The following ATP2B2 variants were observed in gnomAD, a reference collection of about 807,000 sequenced individuals.
ATP2B2 encodes the protein ATPase plasma membrane Ca2+ transporting 2, also known as plasma membrane calcium-transporting ATPase 2.
A neutral mutation model predicts 120.0 loss-of-function variants in ATP2B2; 15 were observed. That is an observed-to-expected ratio of 0.12 (90% CI 0.08 to 0.19). The LOEUF (loss-of-function observed/expected upper bound fraction) is 0.19, where lower values mean the gene tolerates loss of function less well. Ranked by LOEUF, ATP2B2 falls within the 10% of genes least tolerant of loss-of-function variation. The pLI is 1.00. For missense variants in ATP2B2, 1,045 were observed against 1,719.8 expected (o/e 0.61, Z 6.94); for synonymous variants, 694 against 700.3 (o/e 0.99, Z 0.14).
intron 1 of ATP2B2, among the ~76,000 whole-genome samples, chr3:10,470,346 A>G (rs894784570): frequency 1.3e-5 from 2 of 152,092 alleles, no homozygotes; most frequent in African/African-American, 4.8e-5. Flanking sequence ...AGAGAGATTG[A>G]GCAACCTGCT....
intron 1 of ATP2B2, among the ~76,000 whole-genome samples, chr3:10,483,916 T>G (rs1306787289): frequency 1.1e-4 from 14 of 130,946 alleles, no homozygotes. Flanking sequence ...GGCCCAGGGA[T>G]CAAGGCGGTC....
intron 5 of ATP2B2, among the ~76,000 whole-genome samples, chr3:10,398,058 T>C (rs1270740205): frequency 1.3e-5 from 2 of 152,236 alleles, no homozygotes; most frequent in African/African-American, 4.8e-5. Context: ...CTTTCTTCCA[T>C]CTGGTTCATC....
At position 10,397,543 on chromosome 3, in the gene ATP2B2, G is replaced by T. The variant is rs1370557681; in HGVS notation, c.781+3410C>A. 2.0e-5 allele frequency among the ~76,000 whole-genome samples: 3 copies of T among 152,300 alleles called. No individual in the cohort carries two copies. The East Asian group carries it at 5.8e-4, about 29-fold the overall frequency. The stretch of plus-strand genomic sequence containing the variant: ...GGGTGACTGCCACAGGGCAGTGGTG[G>T]TCAGGGAAGCCTTCATGGAGGAGGT... On this transcript the variant is annotated intron_variant, in intron 5 of 22. Coordinates refer to ENST00000360273, the MANE Select transcript of ATP2B2 (RefSeq NM_001001331.4).
At chr3:10,521,560 C>T (rs941062519) in intron 3 of ATP2B2, among the ~76,000 whole-genome samples, 4 of 152,172 alleles carry the variant, frequency 2.6e-5, no homozygotes, top group African/African-American at 9.7e-5. Flanking sequence ...CATTGTTAAT[C>T]CCTCCAAGTC....
chr3:10,361,939 G>A (rs2060912230), intron 12 of ATP2B2, among the ~76,000 whole-genome samples: 1 of 152,078 alleles, frequency 6.6e-6, no homozygotes, highest in Non-Finnish European at 1.5e-5. Context: ...CCTCCATATG[G>A]GCACTGATGT....
chr3:10,569,701 C>A (rs916911000), intron 2 of ATP2B2, among the ~76,000 whole-genome samples: 1 of 151,986 alleles, frequency 6.6e-6, no homozygotes, highest in Admixed American at 6.5e-5. Context: ...TGAAGGGGCT[C>A]AGGTGTAACA....
At chr3:10,421,293 C>G (rs142966354) in intron 2 of ATP2B2, among the ~76,000 whole-genome samples, 1 of 152,314 alleles carries the variant, frequency 6.6e-6, no homozygotes, top group African/African-American at 2.4e-5. Flanking sequence ...GTGACAGAGC[C>G]TGCACTCAGC....
intron 14 of ATP2B2, among the ~76,000 whole-genome samples, chr3:10,355,393 G>C (rs1256874016): frequency 6.6e-6 from 1 of 152,168 alleles, no homozygotes; most frequent in Non-Finnish European, 1.5e-5. Flanking sequence ...CATCCCAGGG[G>C]TGAGCCAACA....
intron 1 of ATP2B2, among the ~76,000 whole-genome samples, chr3:10,654,351 C>T (rs11128522): frequency 1.3e-5 from 2 of 151,922 alleles, no homozygotes; most frequent in African/African-American, 4.8e-5. Context: ...TACTTAGAAC[C>T]GGACACATAA....
chr3:10,494,221 C>T (rs1305770063), intron 1 of ATP2B2, among the ~76,000 whole-genome samples: 1 of 152,094 alleles, frequency 6.6e-6, no homozygotes, highest in Non-Finnish European at 1.5e-5. Flanking sequence ...GTGCTCCCTC[C>T]CTACTCTGAT....
chr3:10,508,234 T>C (rs1213056061), upstream of ATP2B2, among the ~76,000 whole-genome samples: 5 of 152,218 alleles, frequency 3.3e-5, no homozygotes, highest in Non-Finnish European at 7.3e-5. Flanking sequence ...ACAGCAAAGT[T>C]TGAAGGTTTT....
intron 1 of ATP2B2, among the ~76,000 whole-genome samples, chr3:10,480,439 T>C (rs1454885675): frequency 6.6e-6 from 1 of 152,132 alleles, no homozygotes; most frequent in African/African-American, 2.4e-5. Flanking sequence ...CTCCATAAGC[T>C]GCCAGATCTG....
chr3:10,680,065 G>T (rs973645561), intron 1 of ATP2B2, among the ~76,000 whole-genome samples: 1 of 152,214 alleles, frequency 6.6e-6, no homozygotes, highest in Admixed American at 6.5e-5. Context: ...TAGGTGCTCA[G>T]TAAACATTTG....
intron 5 of ATP2B2, among the ~76,000 whole-genome samples, chr3:10,391,245 TGAG>T (rs1182591170): frequency 6.6e-6 from 1 of 152,060 alleles, no homozygotes; most frequent in Non-Finnish European, 1.5e-5. Flanking sequence ...ACTCTGCAGG[TGAG>T]GGGCAGAGCC....
intron 1 of ATP2B2, among the ~76,000 whole-genome samples, chr3:10,460,032 C>A (rs566801754): frequency 1.8e-4 from 28 of 152,344 alleles, no homozygotes; most frequent in African/African-American, 6.5e-4. Flanking sequence ...TCTGACCACA[C>A]ACAACAGGTC....
At chr3:10,474,793 G>T (rs1329341304) in intron 1 of ATP2B2, among the ~76,000 whole-genome samples, 8 of 152,246 alleles carry the variant, frequency 5.3e-5, no homozygotes, top group Non-Finnish European at 1.2e-4. Flanking sequence ...TTTCTAAAGT[G>T]CTGGCCAGTG....
At chr3:10,707,003 C>A (rs1490154144) in intron 1 of ATP2B2, among the ~76,000 whole-genome samples, 1 of 152,244 alleles carries the variant, frequency 6.6e-6, no homozygotes, top group African/African-American at 2.4e-5. Context: ...GGAAGCAGTG[C>A]TTCTACAGCT....
chr3:10,504,417 T>C (rs933742149), intron 1 of ATP2B2, among the ~76,000 whole-genome samples: 1 of 152,152 alleles, frequency 6.6e-6, no homozygotes, highest in Non-Finnish European at 1.5e-5. Context: ...GCTCAGGGCA[T>C]GCAGCGTCGC....
upstream of ATP2B2, among the ~76,000 whole-genome samples, chr3:10,505,947 G>C (rs1361564476): frequency 6.6e-6 from 1 of 152,150 alleles, no homozygotes; most frequent in African/African-American, 2.4e-5. Flanking sequence ...AGAGGGTAGG[G>C]CTGGGCTGTG....
Sources: gnomAD v4.1 joint callset for allele counts (sites outside exome capture counted in the v4.1 genomes callset) on GRCh38, gnomAD v4.1.1 for gene constraint, MANE v1.5 for transcripts, NCBI Gene and HGNC (gene_info 2026-07-23, HGNC 2026-07-21) for gene names.